The following NLRP13 variants were observed in gnomAD, a reference collection of about 807,000 sequenced individuals.
NLRP13 encodes the protein NACHT, LRR and PYD domains-containing protein 13.
Under a neutral mutation model 94.4 loss-of-function variants are expected in NLRP13, and 82 were observed. That is an observed-to-expected ratio of 0.87 (90% CI 0.73 to 1.04). The LOEUF is 1.04. Among genes scored for constraint, NLRP13 ranks in the 50% least tolerant of loss-of-function variants. NLRP13 has a pLI of 0.00. For missense variants in NLRP13, 1,426 were observed against 1,230.8 expected, an observed-to-expected ratio of 1.16 and a Z score of -2.37; for synonymous variants, 553 against 464.7, an observed-to-expected ratio of 1.19 and a Z score of -2.45.
chr19:55,932,292 G>A lies in NLRP13; in HGVS notation c.20C>T (p.Thr7Ile), dbSNP rs753358509. Reference protein sequence around the residue: MNFSVITCPNGGTNQGL... With the variant: MNFSVIICPNGGTNQGL... ...TTGGTTGGTACCACCGTTGGGGCAG[G>A]TGATTACAGAAAAGTTCATCTTGCC... Residue 7 changes from threonine (T) to isoleucine (I), a missense_variant, in exon 1 of 11, where the codon ACC becomes ATC. Coordinates refer to ENST00000342929, the MANE Select transcript of NLRP13 (RefSeq NM_176810.2). 2.5e-6 allele frequency: 4 copies of A among 1,605,590 alleles called. No homozygotes were observed.
In NLRP13 at chr19:55,913,233, A is replaced by C; in HGVS notation, c.584T>G (p.Ile195Ser). 1 of 1,613,984 alleles carries C rather than the reference A, an allele frequency of 6.2e-7. No homozygotes were observed. Among genetic ancestry groups the C allele is most frequent in the Non-Finnish European group, 8.5e-7 (1 of 1,179,954 alleles). The change falls in exon 5 of 11, where the codon ATC becomes AGC. Residue 195 changes from isoleucine (I) to serine (S), a missense_variant. Physicochemically the swap from Ile to Ser is moderately radical, Grantham distance 142. Transcript: ENST00000342929. ...ATATACGTGGTCTTTAGGCCAACTG[A>C]TGTTGTCCCATGTCTCCAGTAGTTC... is the stretch of plus-strand genomic sequence containing the variant. ...KAELLETWDN[I>S]SWPKDHVYIR...
downstream of NLRP13, among the ~76,000 whole-genome samples, chr19:55,895,507 A>AC (rs1404541648): frequency 6.6e-6 from 1 of 151,964 alleles, no homozygotes; most frequent in African/African-American, 2.4e-5. Flanking sequence ...CTACGGTGAA[A>AC]CCCCCATCTC....
intron 9 of NLRP13, among the ~76,000 whole-genome samples, chr19:55,901,763 G>A (rs538690448): frequency 1.3e-5 from 2 of 152,222 alleles, no homozygotes; most frequent in Admixed American, 1.3e-4. Flanking sequence ...TCACCCTGAT[G>A]AAGTGTAGCA....
At chr19:55,922,178 G>C (rs1298654931) in intron 4 of NLRP13, among the ~76,000 whole-genome samples, 1 of 151,968 alleles carries the variant, frequency 6.6e-6, no homozygotes, top group Non-Finnish European at 1.5e-5. Context: ...TCCACCCCAT[G>C]AATCAGTTAC....
At chr19:55,928,096 G>T (rs750284422) in intron 1 of NLRP13, among the ~76,000 whole-genome samples, 1 of 152,172 alleles carries the variant, frequency 6.6e-6, no homozygotes, top group Non-Finnish European at 1.5e-5. Context: ...TGGTGAGGTG[G>T]ATGTGGCCCA....
chr19:55,921,335 A>G (rs1251896384), intron 4 of NLRP13, among the ~76,000 whole-genome samples: 1 of 152,180 alleles, frequency 6.6e-6, no homozygotes, highest in Admixed American at 6.5e-5. Context: ...GGAAAAAGAC[A>G]CCCACAATAT....
Position 55,911,876 on chromosome 19 carries a change from C to T in NLRP13, c.1941G>A (p.Glu647=), listed in dbSNP as rs893867333. The T allele has an allele frequency of 3.1e-6, 5 of 1,614,030 alleles. No homozygotes were observed. The highest frequency in any genetic ancestry group is 1.7e-5 in the Admixed American group (1 of 59,998). ...RLFHCLHESQ[E]EDFTKKMLGR... is the part of the protein sequence containing the mutation. ...CCAACATCTTCTTTGTGAAGTCTTCCTCCTGGGACTCGTGTAGGCAGTGAA... is the reference window on the plus strand; with the variant it reads ...CCAACATCTTCTTTGTGAAGTCTTCTTCCTGGGACTCGTGTAGGCAGTGAA... The change falls in exon 5 of 11, where the codon GAG becomes GAA. Residue 647 remains glutamate (E), a synonymous_variant. Coordinates refer to ENST00000342929, the MANE Select transcript of NLRP13 (RefSeq NM_176810.2).
At chr19:55,929,196 C>G (rs1026289494) in intron 1 of NLRP13, among the ~76,000 whole-genome samples, 36 of 152,162 alleles carry the variant, frequency 2.4e-4, no homozygotes, top group African/African-American at 8.4e-4. Context: ...ATTAGTTCAA[C>G]CATTGTGGAA....
At chr19:55,895,337 C>G (rs1029965431), downstream of NLRP13, among the ~76,000 whole-genome samples, 2 of 151,970 alleles carry the variant, frequency 1.3e-5, no homozygotes, top group African/African-American at 4.8e-5. Context: ...ACTGAGATTG[C>G]GCCACTGCAC....
In NLRP13 at chr19:55,923,894, A is replaced by G. The variant is rs753844088; in HGVS notation, c.523+20T>C. On this transcript the variant is annotated intron_variant, in intron 4 of 10. Transcript: ENST00000342929. ...TCGTCAAGCAACCTGTCCATTATCA[A>G]CATAAAGTAGTATACACACCTGCTT... 1.1e-5 allele frequency: 17 copies of G among 1,598,152 alleles called. No homozygotes were observed. Among genetic ancestry groups the G allele is most frequent in the Non-Finnish European group, 1.5e-5 (17 of 1,165,572 alleles).
In NLRP13 at chr19:55,907,933, C is replaced by G; in HGVS notation, c.2306G>C (p.Trp769Ser). ...GGCAATAATGAGGTCCTGCAGAACC[C>G]ACTCAGGAGTTACCGATTTGCACCT... ...KLTCKSVTPE[W>S]VLQDLIIALQ... Residue 769 changes from tryptophan to serine, a missense_variant, in exon 7 of 11, where the codon TGG becomes TCG. Coordinates refer to ENST00000342929, the MANE Select transcript of NLRP13 (RefSeq NM_176810.2). 1 of 1,603,294 alleles carries G rather than the reference C, an allele frequency of 6.2e-7. No homozygotes were observed. Among genetic ancestry groups the G allele is most frequent in the Admixed American group, 1.7e-5 (1 of 58,890 alleles).
At chr19:55,918,952 A>G (rs1986742819) in intron 4 of NLRP13, among the ~76,000 whole-genome samples, 1 of 152,092 alleles carries the variant, frequency 6.6e-6, no homozygotes, top group African/African-American at 2.4e-5. Context: ...TCCCTGATGA[A>G]CATAAGTGCA....
chr19:55,918,606 C>A (rs1986733748), intron 4 of NLRP13, among the ~76,000 whole-genome samples: 1 of 151,964 alleles, frequency 6.6e-6, no homozygotes, highest in South Asian at 2.1e-4. Context: ...TCTATACTCA[C>A]AAACTAAAAA....
Position 55,898,886 on chromosome 19 carries a change from G to A in NLRP13, c.2841C>T (p.Ala947=), listed in dbSNP as rs1391767176. 16 of 1,613,628 alleles carry A rather than the reference G, an allele frequency of 9.9e-6. No homozygotes were observed. The highest frequency in any genetic ancestry group is 1.3e-5 in the African/African-American group (1 of 74,884). The change falls in exon 10 of 11, where the codon GCC becomes GCT. Residue 947 remains alanine (A), a synonymous_variant. Coordinates refer to ENST00000342929, the MANE Select transcript of NLRP13 (RefSeq NM_176810.2). ...TREGCGELAN[A]LSHNHNVKIL... is the part of the protein sequence containing the mutation. ...TTTTCACATTATGATTATGGCTGAG[G>A]GCATTAGCCAGCTCTCCACAGCCCT...
intron 8 of NLRP13, 52 bp downstream of exon 8, chr19:55,904,890 G>C (rs1176763423): frequency 6.8e-7 from 1 of 1,468,818 alleles, no homozygotes; most frequent in Non-Finnish European, 9.4e-7. Context: ...CATTGTTCTA[G>C]ATATCTGTGC....
downstream of NLRP13, among the ~76,000 whole-genome samples, chr19:55,892,504 C>A (rs1332042948): frequency 6.6e-6 from 1 of 152,192 alleles, no homozygotes; most frequent in Non-Finnish European, 1.5e-5. Flanking sequence ...TCACTGCACC[C>A]TCCACCTCCT....
At chr19:55,894,263 A>T (rs1487159189), downstream of NLRP13, among the ~76,000 whole-genome samples, 1 of 151,924 alleles carries the variant, frequency 6.6e-6, no homozygotes, top group Non-Finnish European at 1.5e-5. Flanking sequence ...GCTGGTCTTG[A>T]ACTCCTGGCC....
chr19:55,905,866 G>C (rs925835630), intron 7 of NLRP13, among the ~76,000 whole-genome samples: 16 of 152,090 alleles, frequency 1.1e-4, no homozygotes, highest in African/African-American at 3.6e-4. Flanking sequence ...TGTCCCCTGG[G>C]GGACAAAAAT....
intron 4 of NLRP13, among the ~76,000 whole-genome samples, chr19:55,914,450 A>G (rs1986628821): frequency 6.6e-6 from 1 of 152,176 alleles, no homozygotes; most frequent in African/African-American, 2.4e-5. Flanking sequence ...AGGTAGAGAA[A>G]ACAAGTAGAA....
Sources: allele counts gnomAD v4.1 joint callset (sites outside exome capture counted in the v4.1 genomes callset), GRCh38; gene constraint gnomAD v4.1.1; transcripts MANE v1.5; gene names NCBI Gene and HGNC (gene_info 2026-07-23, HGNC 2026-07-21).